GAS6: variants seen among roughly 807,000 people sequenced by gnomAD.
GAS6 encodes growth arrest specific 6.
In GAS6, 41 loss-of-function variants were observed where a neutral mutation model predicts 75.8. That is an observed-to-expected ratio of 0.54 (90% CI 0.42 to 0.70). The LOEUF (loss-of-function observed/expected upper bound fraction) is 0.70. Among genes scored for constraint, GAS6 ranks in the 30% least tolerant of loss-of-function variants. GAS6 has a pLI of 0.00. For missense variants in GAS6, 854 were observed against 940.2 expected (o/e 0.91, Z 1.20); for synonymous variants, 432 against 412.6 (o/e 1.05, Z -0.57).
At chr13:113,857,511 C>T (rs1256202501) in intron 2 of GAS6, among the ~76,000 whole-genome samples, 1 of 152,172 alleles carries the variant, frequency 6.6e-6, no homozygotes, top group Non-Finnish European at 1.5e-5. Flanking sequence ...AAACAAGCAG[C>T]TTTGCATTGG....
At chr13:113,825,636 A>G (rs573609629) in intron 12 of GAS6, among the ~76,000 whole-genome samples, 1 of 152,218 alleles carries the variant, frequency 6.6e-6, no homozygotes, top group South Asian at 2.1e-4. Flanking sequence ...GTATGATATT[A>G]AGTGGAAAAA....
chr13:113,852,473 AG>A, intron 2 of GAS6, among the ~76,000 whole-genome samples: 1 of 152,206 alleles, frequency 6.6e-6, no homozygotes, highest in Non-Finnish European at 1.5e-5. Flanking sequence ...GCCCCAGGAC[AG>A]GAGCCTGGTC....
intron 5 of GAS6, 124 bp from the exon 6 acceptor site, chr13:113,838,315 C>T (rs2051738593): frequency 8.4e-7 from 1 of 1,192,852 alleles, no homozygotes; most frequent in East Asian, 2.4e-5. Context: ...GGTGCACAGC[C>T]CAGCCCTGGA....
At chr13:113,841,993 AG>A in intron 4 of GAS6, 1 of 102,860 alleles carries the variant, frequency 9.7e-6, no homozygotes, top group Non-Finnish European at 2.0e-5. Context: ...TACGCCCCAC[AG>A]TTTCCTCCAT....
chr13:113,855,592 G>C (rs57294018), intron 2 of GAS6, among the ~76,000 whole-genome samples: 13,741 of 152,190 alleles, frequency 0.09, 793 homozygotes, highest in East Asian at 0.17. Context: ...AAGATCCAAC[G>C]CGCAGGGGCC....
chr13:113,849,461 T>C (rs1189779944), intron 2 of GAS6, among the ~76,000 whole-genome samples: 1 of 151,796 alleles, frequency 6.6e-6, no homozygotes, highest in Non-Finnish European at 1.5e-5. Flanking sequence ...AGGGAAGTGA[T>C]GGGGCTTTGT....
rs201591066 is a variant in GAS6 at position 113,838,199 on chromosome 13, C to A, written c.467-8G>T. The A allele has an allele frequency of 6.2e-7, 1 of 1,612,168 alleles. No homozygotes were observed. The highest frequency in any genetic ancestry group is 1.3e-5 in the African/African-American group (1 of 75,038). ...GGCTGCATTCGTTGACATCTGGGAACAAGCACAGGCCTGAAGGGGAGCCCA... is the reference window on the plus strand; with the variant it reads ...GGCTGCATTCGTTGACATCTGGGAAAAAGCACAGGCCTGAAGGGGAGCCCA... On this transcript the variant is annotated splice_polypyrimidine_tract_variant and splice_region_variant and intron_variant, in intron 5 of 14. Transcript: ENST00000327773.
Position 113,864,047 on chromosome 13 carries a change from GGCGGCT to G in GAS6, c.-133_-128del, listed in dbSNP as rs1281433936. The G allele has an allele frequency of 2.1e-6, 2 of 941,392 alleles. No individual in the cohort carries two copies. The highest frequency in any genetic ancestry group is 2.5e-6 in the Non-Finnish European group (2 of 786,726). The allele number at this position is 941,392 out of a possible 1,614,324, so 58.3% of individuals were successfully genotyped here. On this transcript the variant is annotated 5_prime_UTR_variant, in exon 1 of 15. Coordinates refer to ENST00000327773, the MANE Select transcript of GAS6 (RefSeq NM_000820.4). ...GTCACATCGCGGCGGCGGCGGCGGC[GGCGGCT>G]GCGGCACCTCAAGCGCTCGGTCTGG...
At chr13:113,825,419 G>A (rs2051524082) in intron 12 of GAS6, among the ~76,000 whole-genome samples, 1 of 152,090 alleles carries the variant, frequency 6.6e-6, no homozygotes, top group Admixed American at 6.5e-5. Context: ...CAGAGTCGCT[G>A]CAGAGTGAGC....
intron 2 of GAS6, among the ~76,000 whole-genome samples, chr13:113,860,225 A>G (rs546811096): frequency 1.2e-3 from 178 of 152,340 alleles, no homozygotes; most frequent in African/African-American, 4.0e-3. Context: ...CATGTCGTGC[A>G]GGTGCGGGTA....
At chr13:113,838,708 T>G (rs1354765139) in intron 5 of GAS6, among the ~76,000 whole-genome samples, 1 of 120,974 alleles carries the variant, frequency 8.3e-6, no homozygotes, top group Non-Finnish European at 1.7e-5. Context: ...AGCCCGGGGG[T>G]GCACAGCCCA....
At chr13:113,833,425 G>C (rs1566360074) in intron 8 of GAS6, 1 of 993,880 alleles carries the variant, frequency 1.0e-6, no homozygotes, top group African/African-American at 1.7e-5. Flanking sequence ...CCGAGAAGCT[G>C]TCCTGGTGAC....
chr13:113,832,560 C>G, intron 9 of GAS6, 72 bp from the exon 10 acceptor site: 2 of 1,601,570 alleles, frequency 1.2e-6, no homozygotes, highest in South Asian at 2.2e-5. Context: ...GCTGGCCGAA[C>G]CCTGGCCCGG....
At chr13:113,856,664 G>A (rs919896494) in intron 2 of GAS6, among the ~76,000 whole-genome samples, 1 of 152,184 alleles carries the variant, frequency 6.6e-6, no homozygotes, top group African/African-American at 2.4e-5. Flanking sequence ...CAGCCTGCCC[G>A]TAAACACTGT....
At chr13:113,852,778 C>T (rs1810825092) in intron 2 of GAS6, among the ~76,000 whole-genome samples, 1 of 152,218 alleles carries the variant, frequency 6.6e-6, no homozygotes, top group African/African-American at 2.4e-5. Context: ...GATGGGTCGG[C>T]CTCGGGGACC....
intron 2 of GAS6, among the ~76,000 whole-genome samples, chr13:113,856,554 G>A (rs755870131): frequency 1.4e-4 from 21 of 152,132 alleles, no homozygotes; most frequent in Admixed American, 3.3e-4. Context: ...AGCGACGGAC[G>A]AGCTAAGTGA....
chr13:113,861,645 G>C (rs553217676), intron 2 of GAS6, among the ~76,000 whole-genome samples: 3 of 152,296 alleles, frequency 2.0e-5, no homozygotes, highest in Non-Finnish European at 4.4e-5. Context: ...GGTCCTGGGA[G>C]GGGTGGGCCT....
chr13:113,863,701 C>G lies in GAS6; in HGVS notation c.129G>C (p.Arg43=). Residue 43 remains arginine, a synonymous_variant, in exon 2 of 15, where the codon CGG becomes CGC. Transcript: ENST00000327773. The surrounding 1 kb of genome is among the most constrained non-coding windows in gnomAD (Gnocchi z 9.4). ...LPAREATQFL[R]PRQRRAFQVF... is the part of the protein sequence containing the mutation. The stretch of plus-strand genomic sequence containing the variant: ...CCTGAAAGGCGCGGCGCTGCCTGGG[C>G]CGCAGGAACTGCGTGGCCTCGCGCG... The G allele has an allele frequency of 6.6e-7, 1 of 1,513,328 alleles. No individual in the cohort carries two copies. 93.7% of individuals were successfully genotyped at this position (1,513,328 alleles called of 1,614,324 possible). A position where few individuals can be genotyped will look rare whatever the true frequency, so the allele number is the denominator to read the frequency against.
In GAS6 at chr13:113,820,987, C is replaced by A. The variant is rs150170581; in HGVS notation, c.1914G>T (p.Ala638=). 6.2e-7 allele frequency: 1 copy of A among 1,612,548 alleles called. No individual in the cohort carries two copies. ...CCAGTGTCATGCAGCCGCGGTAGAA[C>A]GCGGTGACTGGCGCTGAAGTCACCG... ...DVPVTSAPVT[A]FYRGCMTLEV... is the part of the protein sequence containing the mutation. The change falls in exon 15 of 15, where the codon GCG becomes GCT. Residue 638 remains alanine, a synonymous_variant. Transcript: ENST00000327773.
Sources: gnomAD v4.1 joint callset for allele counts (sites outside exome capture counted in the v4.1 genomes callset) on GRCh38, gnomAD v4.1.1 for gene constraint, Gnocchi (gnomAD v3.1) non-coding constraint, MANE v1.5 for transcripts, NCBI Gene and HGNC (gene_info 2026-07-23, HGNC 2026-07-21) for gene names.